Variants in AGMO observed in about 807,000 individuals in gnomAD.
AGMO encodes glyceryl-ether monooxygenase.
Under a neutral mutation model 60.2 loss-of-function variants are expected in AGMO, and 75 were observed. That is an observed-to-expected ratio of 1.25 (90% confidence interval 1.03 to 1.51). The LOEUF (loss-of-function observed/expected upper bound fraction) is 1.51. Ranked by LOEUF, AGMO falls within the 40% of genes most tolerant of loss-of-function variation. The probability of loss-of-function intolerance (pLI) is 0.00; values close to 1 mark genes in which losing one functional copy is unlikely to be tolerated. For synonymous variants in AGMO, 261 were observed against 177.1 expected, an observed-to-expected ratio of 1.47 and a Z score of -3.76; for missense variants, 763 against 525.5, an observed-to-expected ratio of 1.45 and a Z score of -4.42.
At chr7:15,295,862 T>C (rs1051674028) in intron 12 of AGMO, among the ~76,000 whole-genome samples, 18 of 152,250 alleles carry the variant, frequency 1.2e-4, no homozygotes, top group African/African-American at 4.1e-4. Flanking sequence ...AAATTTGGAA[T>C]TGGGAAGACT....
chr7:15,262,290 A>G (rs943676002), intron 12 of AGMO, among the ~76,000 whole-genome samples: 8 of 152,054 alleles, frequency 5.3e-5, no homozygotes, highest in African/African-American at 1.7e-4. Context: ...AGTTTCAGGA[A>G]ACAAAATTAA....
At chr7:15,134,853 A>G in the AGMO span, among the ~76,000 whole-genome samples, 1 of 152,122 alleles carries the variant, frequency 6.6e-6, no homozygotes, top group African/African-American at 2.4e-5. Context: ...CGTAACTGAG[A>G]GCTAATGGCA....
chr7:15,360,515 TA>T (rs1400826799), intron 12 of AGMO, among the ~76,000 whole-genome samples: 1 of 151,948 alleles, frequency 6.6e-6, no homozygotes, highest in African/African-American at 2.4e-5. Flanking sequence ...GTTAAGAAAA[TA>T]ATAAGGAAGA....
At chr7:15,361,546 A>AAG (rs1554261758) in intron 12 of AGMO, among the ~76,000 whole-genome samples, 1 of 91,408 alleles carries the variant, frequency 1.1e-5, no homozygotes, top group African/African-American at 4.3e-5. Flanking sequence ...TCTCAAAAAA[A>AAG]AAAAAAAAGG....
chr7:15,474,293 T>A (rs1345099514), intron 3 of AGMO, among the ~76,000 whole-genome samples: 1 of 152,092 alleles, frequency 6.6e-6, no homozygotes. Context: ...TTACCTGACT[T>A]CAAACTATAC....
At chr7:15,485,499 C>A (rs1308536795) in intron 3 of AGMO, among the ~76,000 whole-genome samples, 3 of 152,082 alleles carry the variant, frequency 2.0e-5, no homozygotes, top group African/African-American at 7.2e-5. Flanking sequence ...AATCAATTTT[C>A]TCATGTTCAG....
chr7:15,213,408 T>C (rs907316634), intron 12 of AGMO, among the ~76,000 whole-genome samples: 32 of 151,770 alleles, frequency 2.1e-4, no homozygotes, highest in African/African-American at 7.7e-4. Context: ...AGTTCTATTA[T>C]GTGAAAAAAA....
intron 5 of AGMO, among the ~76,000 whole-genome samples, chr7:15,415,222 G>A (rs951257933): frequency 3.3e-5 from 5 of 151,852 alleles, no homozygotes; most frequent in East Asian, 2.0e-4. Context: ...TCAGCCTCAC[G>A]AGTAGCTGGG....
intron 3 of AGMO, among the ~76,000 whole-genome samples, chr7:15,485,747 T>A (rs1016075737): frequency 5.3e-5 from 8 of 151,856 alleles, no homozygotes; most frequent in African/African-American, 9.7e-5. Context: ...ATTACCAGGA[T>A]TGTGTTACTC....
At chr7:15,310,327 T>C (rs1055964359) in intron 12 of AGMO, among the ~76,000 whole-genome samples, 2 of 152,286 alleles carry the variant, frequency 1.3e-5, no homozygotes, top group South Asian at 4.1e-4. Flanking sequence ...ATTTCATTCT[T>C]AGCTGCATGA....
intron 3 of AGMO, among the ~76,000 whole-genome samples, chr7:15,528,669 C>G (rs1221643108): frequency 1.3e-5 from 2 of 151,930 alleles, no homozygotes; most frequent in Non-Finnish European, 2.9e-5. Flanking sequence ...TATTTTGAGA[C>G]GGAGTTTCAC....
At position 15,423,932 on chromosome 7, in the gene AGMO, T is replaced by C. The variant is rs559317058; in HGVS notation, c.514-5279A>G. ...TTGTTCTAAGCCACCTAGCTCTGGG[T>C]ACTTTGTTACAGCAGCCTCAGGAAA... On this transcript the variant is annotated intron_variant, in intron 4 of 12. Coordinates refer to ENST00000342526, the MANE Select transcript of AGMO (RefSeq NM_001004320.2). Among the ~76,000 whole-genome samples the C allele has an allele frequency of 1.1e-4, 17 of 152,288 alleles. No individual in the cohort carries two copies. The South Asian group carries it at 3.3e-3, about 30-fold the overall frequency.
chr7:15,361,253 A>C (rs1355532821), intron 12 of AGMO, among the ~76,000 whole-genome samples: 4 of 151,922 alleles, frequency 2.6e-5, no homozygotes, highest in African/African-American at 4.8e-5. Flanking sequence ...CCTATCACAA[A>C]ACTCTGAACA....
intron 12 of AGMO, among the ~76,000 whole-genome samples, chr7:15,285,517 G>A (rs1784076808): frequency 2.0e-5 from 3 of 151,974 alleles, no homozygotes; most frequent in Non-Finnish European, 4.4e-5. Flanking sequence ...CTTAAACAAG[G>A]AGGTGAAAGA....
chr7:15,180,600 C>G, the AGMO span, among the ~76,000 whole-genome samples: 2 of 141,894 alleles, frequency 1.4e-5, no homozygotes, highest in African/African-American at 5.0e-5. Flanking sequence ...CTCTGCTCTT[C>G]TGAGCCTTCA....
chr7:15,374,783 G>T (rs6965690), intron 10 of AGMO, among the ~76,000 whole-genome samples: 69,787 of 151,834 alleles, frequency 0.46, 16,873 homozygotes, highest in African/African-American at 0.61. Context: ...GAATTGTGGA[G>T]AAAGAGCCAG....
chr7:15,454,090 T>C (rs1387854890), intron 3 of AGMO, among the ~76,000 whole-genome samples: 3 of 150,650 alleles, frequency 2.0e-5, no homozygotes, highest in African/African-American at 4.9e-5. Context: ...ATGTGGAATG[T>C]TACCTTATCC....
At chr7:15,521,784 G>A (rs1055204921) in intron 3 of AGMO, among the ~76,000 whole-genome samples, 1 of 152,108 alleles carries the variant, frequency 6.6e-6, no homozygotes, top group African/African-American at 2.4e-5. Flanking sequence ...TTGAAAACTG[G>A]CACAAGACAA....
intron 12 of AGMO, among the ~76,000 whole-genome samples, chr7:15,249,592 T>C (rs1782870429): frequency 1.3e-5 from 2 of 152,278 alleles, no homozygotes; most frequent in East Asian, 1.9e-4. Flanking sequence ...TAAAAAGTCA[T>C]TCTCACCTGA....
Sources: gnomAD v4.1 joint callset for allele counts (sites outside exome capture counted in the v4.1 genomes callset) on GRCh38, gnomAD v4.1.1 for gene constraint, MANE v1.5 for transcripts, NCBI Gene and HGNC (gene_info 2026-07-23, HGNC 2026-07-21) for gene names.